Variants in CDH9 observed in about 807,000 individuals in gnomAD.
CDH9 encodes the protein cadherin 9, also known as cadherin-9.
In CDH9, 28 loss-of-function variants were observed where a neutral mutation model predicts 70.9. The ratio of observed to expected loss-of-function variants is 0.40; its 90% CI spans 0.29 to 0.54. CDH9 has a LOEUF of 0.54. Among genes scored for constraint, CDH9 ranks in the 20% least tolerant of loss-of-function variants. CDH9 has a pLI of 0.59. For missense variants in CDH9, 874 were observed against 984.4 expected (o/e 0.89, Z 1.50); for synonymous variants, 409 against 343.1 (o/e 1.19, Z -2.12).
At chr5:27,033,873 A>T (rs1438343501) in intron 1 of CDH9, among the ~76,000 whole-genome samples, 1 of 151,560 alleles carries the variant, frequency 6.6e-6, no homozygotes, top group African/African-American at 2.4e-5. Context: ...AGTATATTTT[A>T]TATAATGTCT....
intron 3 of CDH9, among the ~76,000 whole-genome samples, chr5:26,909,940 T>A (rs1194439625): frequency 6.6e-6 from 1 of 151,870 alleles, no homozygotes; most frequent in Non-Finnish European, 1.5e-5. Context: ...AATTCATCAA[T>A]ATAATTATTA....
chr5:26,938,247 T>G (rs1173804078), intron 2 of CDH9, among the ~76,000 whole-genome samples: 1 of 151,260 alleles, frequency 6.6e-6, no homozygotes, highest in East Asian at 1.9e-4. Flanking sequence ...GAATAAAATA[T>G]TTAGAGAGTG....
intron 2 of CDH9, among the ~76,000 whole-genome samples, chr5:26,964,214 TACAC>T (rs766660670): frequency 3.3e-5 from 5 of 150,806 alleles, no homozygotes; most frequent in Admixed American, 6.6e-5. Context: ...CACACACACA[TACAC>T]ACACAAGCAC....
At chr5:27,034,677 T>G (rs1174868519) in intron 1 of CDH9, among the ~76,000 whole-genome samples, 1 of 151,554 alleles carries the variant, frequency 6.6e-6, no homozygotes, top group East Asian at 1.9e-4. Flanking sequence ...ATAATGACTT[T>G]TATGTTTGGA....
chr5:26,893,880 T>C lies in CDH9; in HGVS notation c.1254-3316A>G, dbSNP rs543695706. Among the ~76,000 whole-genome samples, 7 of 152,204 alleles carry C rather than the reference T, an allele frequency of 4.6e-5. No homozygotes were observed. In the South Asian group the frequency reaches 1.4e-3, roughly 32 times the overall value. On this transcript the variant is annotated intron_variant, in intron 7 of 11. Transcript: ENST00000231021. ...GTTGTGCTAACATGAAACAAAATAT[T>C]ATGTTTCCTACCTATAGGTTTCAAC...
At chr5:26,906,434 T>A (rs1235544495) in intron 4 of CDH9, among the ~76,000 whole-genome samples, 1 of 152,176 alleles carries the variant, frequency 6.6e-6, no homozygotes, top group Non-Finnish European at 1.5e-5. Flanking sequence ...CATATTCAAG[T>A]TTTGAGTATT....
At chr5:26,943,062 G>C (rs1031414859) in intron 2 of CDH9, among the ~76,000 whole-genome samples, 1 of 152,130 alleles carries the variant, frequency 6.6e-6, no homozygotes, top group Non-Finnish European at 1.5e-5. Context: ...GGGATGGGAA[G>C]TTACCTTCCT....
At chr5:26,963,023 A>C (rs1018289077) in intron 2 of CDH9, among the ~76,000 whole-genome samples, 1 of 152,208 alleles carries the variant, frequency 6.6e-6, no homozygotes, top group Non-Finnish European at 1.5e-5. Context: ...GTGGTTTTAT[A>C]AAACTATAAA....
intron 9 of CDH9, among the ~76,000 whole-genome samples, chr5:26,888,567 A>G (rs1740603434): frequency 2.0e-5 from 3 of 152,340 alleles, no homozygotes; most frequent in Admixed American, 6.5e-5. Context: ...TTATCCAAAT[A>G]GCTATGTGAA....
chr5:26,988,268 G>A lies in CDH9; in HGVS notation c.66C>T (p.Ile22=), dbSNP rs1178054654. The change falls in exon 2 of 12, where the codon ATC becomes ATT. Residue 22 remains isoleucine (I), a synonymous_variant. Transcript: ENST00000231021. The part of the protein sequence containing the change: ...WTYMFHTVDT[I]LLQEKPNSYL... ...AACTGTTAGGTTTTTCTTGTAATAG[G>A]ATGGTGTCAACTGTATGGAACATAT... 11 of 1,613,296 alleles carry A rather than the reference G, an allele frequency of 6.8e-6. No individual in the cohort carries two copies. The highest frequency in any genetic ancestry group is 9.3e-6 in the Non-Finnish European group (11 of 1,179,524).
chr5:27,013,556 G>C (rs535823764), intron 1 of CDH9, among the ~76,000 whole-genome samples: 1 of 151,960 alleles, frequency 6.6e-6, no homozygotes, highest in Admixed American at 6.6e-5. Flanking sequence ...TGGAAAAAGG[G>C]TTTATGAGCT....
At chr5:26,903,327 T>C (rs1740888206) in intron 6 of CDH9, 1 of 422,878 alleles carries the variant, frequency 2.4e-6, no homozygotes, top group South Asian at 2.1e-5. Context: ...TTTTGAAAAG[T>C]GCATGAAATA....
chr5:26,949,508 C>T (rs951943109), intron 2 of CDH9, among the ~76,000 whole-genome samples: 1 of 152,236 alleles, frequency 6.6e-6, no homozygotes, highest in Non-Finnish European at 1.5e-5. Context: ...CTTAGTTATT[C>T]TCTCAGATCT....
intron 2 of CDH9, among the ~76,000 whole-genome samples, chr5:26,951,122 T>A (rs1254712530): frequency 6.6e-6 from 1 of 151,508 alleles, no homozygotes; most frequent in East Asian, 1.9e-4. Context: ...TGAAACCCTG[T>A]CTCTACTAAA....
chr5:26,952,639 A>AAC (rs1741870867), intron 2 of CDH9, among the ~76,000 whole-genome samples: 2 of 132,158 alleles, frequency 1.5e-5, no homozygotes, highest in Non-Finnish European at 1.5e-5. Flanking sequence ...CGTCTCAAAA[A>AAC]AAAAAAAAAA....
intron 2 of CDH9, among the ~76,000 whole-genome samples, chr5:26,949,182 G>C (rs1224629254): frequency 6.6e-6 from 1 of 152,050 alleles, no homozygotes; most frequent in African/African-American, 2.4e-5. Flanking sequence ...GCTTAACAAG[G>C]GCTACCAGTA....
At chr5:26,952,739 A>G (rs534908291) in intron 2 of CDH9, among the ~76,000 whole-genome samples, 17 of 151,178 alleles carry the variant, frequency 1.1e-4, no homozygotes, top group Admixed American at 9.2e-4. Flanking sequence ...AGATGAATCC[A>G]CTCATGGATT....
At chr5:26,947,770 T>C (rs1371947781) in intron 2 of CDH9, among the ~76,000 whole-genome samples, 2 of 152,094 alleles carry the variant, frequency 1.3e-5, no homozygotes, top group South Asian at 2.1e-4. Flanking sequence ...TATGAGCAAG[T>C]TGTTTTATTG....
chr5:26,955,075 A>C (rs28532059), intron 2 of CDH9, among the ~76,000 whole-genome samples: 4,677 of 152,274 alleles, frequency 0.031, 250 homozygotes, highest in African/African-American at 0.11. Flanking sequence ...GATTGTTTAG[A>C]TGTCATCCTA....
Sources: gnomAD v4.1 joint callset for allele counts (sites outside exome capture counted in the v4.1 genomes callset) on GRCh38, gnomAD v4.1.1 for gene constraint, MANE v1.5 for transcripts, NCBI Gene and HGNC (gene_info 2026-07-23, HGNC 2026-07-21) for gene names.